Variants in MAPKAPK3 observed in about 807,000 individuals in gnomAD.
MAPKAPK3 encodes the protein MAP kinase-activated protein kinase 3.
Under a neutral mutation model 49.2 loss-of-function variants are expected in MAPKAPK3, and 35 were observed. The observed-to-expected ratio is 0.71, with a 90% CI of 0.54 to 0.94. The LOEUF (loss-of-function observed/expected upper bound fraction) is 0.94, where lower values mean the gene tolerates loss of function less well. Among genes scored for constraint, MAPKAPK3 ranks in the 40% least tolerant of loss-of-function variants. The pLI, the probability that MAPKAPK3 is intolerant of heterozygous loss-of-function variation, is 0.00. For missense variants in MAPKAPK3, 398 were observed against 493.1 expected, an observed-to-expected ratio of 0.81 and a Z score of 1.83; for synonymous variants, 178 against 188.7, an observed-to-expected ratio of 0.94 and a Z score of 0.46.
At chr3:50,645,905 C>T (rs1404443081) in intron 7 of MAPKAPK3, 120 bp downstream of exon 7, 1 of 1,019,482 alleles carries the variant, frequency 9.8e-7, no homozygotes. Flanking sequence ...TGTGTCACTC[C>T]TCATGCAGGC....
chr3:50,643,399 T>C (rs1232308670), intron 5 of MAPKAPK3, among the ~76,000 whole-genome samples: 3 of 152,124 alleles, frequency 2.0e-5, no homozygotes, highest in Non-Finnish European at 4.4e-5. Context: ...AGCACACACA[T>C]GCATGTGCAC....
chr3:50,645,674 G>T, intron 6 of MAPKAPK3, 36 bp from the exon 7 acceptor site: 3 of 1,579,736 alleles, frequency 1.9e-6, no homozygotes, highest in Non-Finnish European at 2.6e-6. Context: ...CAAGACCCTT[G>T]GGTCTGAGAG....
At chr3:50,646,303 C>T (rs2033295405) in intron 8 of MAPKAPK3, 39 bp downstream of exon 8, 1 of 1,610,642 alleles carries the variant, frequency 6.2e-7, no homozygotes, top group Non-Finnish European at 8.5e-7. Flanking sequence ...CTCACCTGGC[C>T]CCTGCGGCTT....
chr3:50,644,589 T>G, intron 6 of MAPKAPK3, 57 bp downstream of exon 6: 2 of 1,582,340 alleles, frequency 1.3e-6, no homozygotes, highest in Non-Finnish European at 8.6e-7. Flanking sequence ...AGCTGTATTA[T>G]GGGGTAGCCA....
upstream of MAPKAPK3, among the ~76,000 whole-genome samples, chr3:50,614,400 G>A (rs1421195898): frequency 1.3e-5 from 2 of 152,020 alleles, no homozygotes; most frequent in Non-Finnish European, 1.5e-5. Flanking sequence ...ACAATCACAA[G>A]ATGAATCACA....
intron 8 of MAPKAPK3, 51 bp from the exon 9 acceptor site, chr3:50,646,689 G>A (rs2033306672): frequency 2.6e-6 from 4 of 1,529,824 alleles, no homozygotes; most frequent in Non-Finnish European, 3.6e-6. Flanking sequence ...GAAGGGTGGA[G>A]GGGCTGGCTC....
chr3:50,620,626 C>T (rs1322059010), intron 2 of MAPKAPK3, among the ~76,000 whole-genome samples: 1 of 152,178 alleles, frequency 6.6e-6, no homozygotes, highest in Non-Finnish European at 1.5e-5. Flanking sequence ...CAGGTCCCTC[C>T]CTCCCAGGGA....
Position 50,617,687 on chromosome 3 carries a change from A to T in MAPKAPK3, c.122A>T (p.Asp41Val). Residue 41 changes from aspartate to valine, a missense_variant, in exon 2 of 11, where the codon GAC becomes GTC. This residue lies in a region of MAPKAPK3 where 123 missense variants were observed against 117.7 expected (regional missense o/e 1.04). Transcript: ENST00000621469. ...GAGCCCAAGAAGTACGCAGTGACCG[A>T]CGACTACCAGTTGTCCAAGCAGGTG... ...RREPKKYAVT[D>V]DYQLSKQVLG... is the part of the protein sequence containing the mutation. 1.2e-6 allele frequency: 2 copies of T among 1,613,464 alleles called. No individual in the cohort carries two copies. The highest frequency in any genetic ancestry group is 1.7e-6 in the Non-Finnish European group (2 of 1,179,902).
chr3:50,623,899 T>C (rs2032670734), intron 2 of MAPKAPK3, among the ~76,000 whole-genome samples: 2 of 152,218 alleles, frequency 1.3e-5, no homozygotes, highest in Admixed American at 6.5e-5. Context: ...GGGCCCTGAG[T>C]GATGCTGCCA....
chr3:50,615,436 AGAG>A (rs2032443921), upstream of MAPKAPK3, among the ~76,000 whole-genome samples: 2 of 125,942 alleles, frequency 1.6e-5, no homozygotes, highest in Admixed American at 8.2e-5. Context: ...TACATGTGTG[AGAG>A]TATGTTTGCA....
chr3:50,633,138 T>G (rs1165485941), intron 2 of MAPKAPK3, among the ~76,000 whole-genome samples: 1 of 152,118 alleles, frequency 6.6e-6, no homozygotes, highest in African/African-American at 2.4e-5. Flanking sequence ...CTTGGTCACC[T>G]TCTTGCACAG....
rs546081632 is a variant in MAPKAPK3 at position 50,630,318 on chromosome 3, C to T, written c.220-10048C>T. 4.6e-5 allele frequency among the ~76,000 whole-genome samples: 7 copies of T among 152,352 alleles called. No homozygotes were observed. The East Asian group carries it at 7.7e-4, about 17-fold the overall frequency. On this transcript the variant is annotated intron_variant, in intron 2 of 10. Coordinates refer to ENST00000621469, the MANE Select transcript of MAPKAPK3 (RefSeq NM_001243925.2). ...CAGCATTCCCAGTCCCAGTCCAGGT[C>T]TAGCCCCCAGACAGGGCCAGTACAT...
upstream of MAPKAPK3, among the ~76,000 whole-genome samples, chr3:50,615,504 G>T (rs1472778184): frequency 2.2e-5 from 3 of 135,776 alleles, no homozygotes; most frequent in African/African-American, 7.7e-5. Context: ...ATGGTTTGAG[G>T]ATAAGAGCCC....
chr3:50,645,900 C>A, intron 7 of MAPKAPK3, 115 bp downstream of exon 7: 2 of 1,037,464 alleles, frequency 1.9e-6, no homozygotes, highest in South Asian at 1.4e-5. Flanking sequence ...TTGTGTGTGT[C>A]ACTCCTCATG....
chr3:50,612,018 C>T (rs1439243580), exon 1 of MAPKAPK3: 4 of 263,802 alleles, frequency 1.5e-5, no homozygotes. Flanking sequence ...TCCAGGAAAA[C>T]GGGGCGGGGC....
upstream of MAPKAPK3, among the ~76,000 whole-genome samples, chr3:50,614,500 A>AGTGTGTGTGTGT (rs3066739): frequency 4.1e-3 from 566 of 138,930 alleles, 9 homozygotes; most frequent in East Asian, 0.021. Flanking sequence ...GTAAGGACAG[A>AGTGTGTGTGTGT]GTGTGTGTGT....
intron 2 of MAPKAPK3, among the ~76,000 whole-genome samples, chr3:50,633,526 C>T (rs1324732017): frequency 6.6e-6 from 1 of 152,230 alleles, no homozygotes; most frequent in African/African-American, 2.4e-5. Context: ...CTTCCTGAGT[C>T]TTGTGCAAGC....
chr3:50,636,605 G>A (rs2033046262), intron 2 of MAPKAPK3, among the ~76,000 whole-genome samples: 3 of 152,116 alleles, frequency 2.0e-5, no homozygotes, highest in South Asian at 2.1e-4. Context: ...TTGAGACCTG[G>A]GCATTTTACT....
chr3:50,638,754 A>G (rs528145976), intron 2 of MAPKAPK3, among the ~76,000 whole-genome samples: 2 of 152,328 alleles, frequency 1.3e-5, no homozygotes, highest in African/African-American at 4.8e-5. Context: ...GAGAGCGTGC[A>G]TGGTCACAGA....
Sources: allele counts gnomAD v4.1 joint callset (sites outside exome capture counted in the v4.1 genomes callset), GRCh38; gene constraint gnomAD v4.1.1; regional missense constraint gnomAD v4.1.1; transcripts MANE v1.5; gene names NCBI Gene and HGNC (gene_info 2026-07-23, HGNC 2026-07-21).